The following TEX15 variants were observed in gnomAD, a reference collection of about 807,000 sequenced individuals.
TEX15 encodes the protein testis-expressed protein 15.
A neutral mutation model predicts 237.3 loss-of-function variants in TEX15; 171 were observed. The ratio of observed to expected loss-of-function variants is 0.72; its 90% CI spans 0.64 to 0.82. The LOEUF is 0.82. Ranked by LOEUF, TEX15 falls within the 40% of genes least tolerant of loss-of-function variation. The probability of loss-of-function intolerance (pLI) is 0.00; values close to 1 mark genes in which losing one functional copy is unlikely to be tolerated. For missense variants in TEX15, 3,750 were observed against 3,646.5 expected (o/e 1.03, Z -0.73); for synonymous variants, 1,338 against 1,269.8 (o/e 1.05, Z -1.14).
In TEX15 at chr8:30,867,379, T is replaced by C. The variant is rs1222391962; in HGVS notation, c.426A>G (p.Thr142=). The C allele has an allele frequency of 7.2e-6, 11 of 1,531,580 alleles. No homozygotes were observed. Among genetic ancestry groups the C allele is most frequent in the Admixed American group, 2.0e-5 (1 of 50,940 alleles). The allele number at this position is 1,531,580 out of a possible 1,614,324, so 94.9% of individuals were successfully genotyped here. ...GAAGAGGATTTCCTAGTATCTTCAA[T>C]GTAGATGCTCTGGTACTTATTCCAT... The part of the protein sequence containing the change: ...YQNGISTRAS[T]LKILGNPLLG... The change falls in exon 5 of 11, where the codon ACA becomes ACG. Residue 142 remains threonine (T), a synonymous_variant. Transcript: ENST00000643185.
At chr8:30,906,429 C>CAA (rs1304562923) in intron 1 of TEX15, among the ~76,000 whole-genome samples, 3 of 143,922 alleles carry the variant, frequency 2.1e-5, no homozygotes, top group African/African-American at 7.6e-5. Context: ...ACTAAAAATA[C>CAA]AAAAAAAAAA....
chr8:30,851,103 A>G (rs1015468694), intron 7 of TEX15, among the ~76,000 whole-genome samples: 1 of 152,114 alleles, frequency 6.6e-6, no homozygotes, highest in African/African-American at 2.4e-5. Context: ...TTCAAAGCAA[A>G]CCCATTCTTA....
intron 4 of TEX15, among the ~76,000 whole-genome samples, chr8:30,868,219 T>A (rs1307640618): frequency 6.6e-6 from 1 of 152,018 alleles, no homozygotes; most frequent in Non-Finnish European, 1.5e-5. Context: ...TAATCTGAAG[T>A]ATAGATAATC....
In TEX15 at chr8:30,833,306, A is replaced by T; in HGVS notation, c.9499T>A (p.Ser3167Thr). ...TATTTTCAGTGTCCTGGATGAAAGG[A>T]TTCTTGGTGCCATGGAGCTGGAAGA... Reference protein sequence around the residue: ...PWVYAPWHQESFHPGH With the variant: ...PWVYAPWHQETFHPGH The change falls in exon 11 of 11, where the codon TCC (serine) becomes ACC (threonine). Residue 3167 changes from serine (S) to threonine (T), a missense_variant. Physicochemically the swap from Ser to Thr is moderately conservative, Grantham distance 58 (BLOSUM62 1). Coordinates refer to ENST00000643185, the MANE Select transcript of TEX15 (RefSeq NM_001350162.2). 1.3e-6 allele frequency: 2 copies of T among 1,597,704 alleles called. No homozygotes were observed. Among genetic ancestry groups the T allele is most frequent in the Non-Finnish European group, 1.7e-6 (2 of 1,172,192 alleles).
intron 5 of TEX15, among the ~76,000 whole-genome samples, chr8:30,862,460 T>C (rs979025321): frequency 6.6e-6 from 1 of 152,224 alleles, no homozygotes; most frequent in African/African-American, 2.4e-5. Flanking sequence ...TATACCTGCA[T>C]GTCTATATAC....
Position 30,881,621 on chromosome 8 carries a change from TTTTTATTA to T in TEX15, c.136+5538_136+5545del, listed in dbSNP as rs1563267002. Among the ~76,000 whole-genome samples the T allele has an allele frequency of 3.0e-4, 37 of 124,920 alleles. 9 individuals carry two copies. Among genetic ancestry groups the T allele is most frequent in the African/African-American group, 1.4e-3 (30 of 21,524 alleles). 82.0% of individuals were successfully genotyped at this position (124,920 alleles called of 152,430 possible). A position where few individuals can be genotyped will look rare whatever the true frequency, so the allele number is the denominator to read the frequency against. ...TCCTTCCATCTTGACTTTTTATTTTTTTTTATTATTTTTTTTTTTTGAGACAGTCTTGC... is the reference window on the plus strand; with the variant it reads ...TCCTTCCATCTTGACTTTTTATTTTTTTTTTTTTTTTTGAGACAGTCTTGC... On this transcript the variant is annotated intron_variant, in intron 3 of 10. Transcript: ENST00000643185.
intron 7 of TEX15, among the ~76,000 whole-genome samples, chr8:30,855,588 G>C (rs1369443302): frequency 1.3e-5 from 2 of 152,034 alleles, no homozygotes; most frequent in Non-Finnish European, 2.9e-5. Context: ...TTCCACTCTT[G>C]GATATACTGT....
At chr8:30,899,056 T>G (rs1230183230) in intron 1 of TEX15, among the ~76,000 whole-genome samples, 1 of 152,104 alleles carries the variant, frequency 6.6e-6, no homozygotes. Flanking sequence ...CAATAAGCTT[T>G]TCTCTTTTTC....
intron 8 of TEX15, among the ~76,000 whole-genome samples, chr8:30,841,723 A>G (rs1235385619): frequency 6.6e-6 from 1 of 152,212 alleles, no homozygotes; most frequent in Non-Finnish European, 1.5e-5. Flanking sequence ...CTCCTTCTTA[A>G]GAAGCTTTTA....
At chr8:30,900,036 A>T (rs2128778819) in intron 1 of TEX15, among the ~76,000 whole-genome samples, 1 of 152,330 alleles carries the variant, frequency 6.6e-6, no homozygotes, top group East Asian at 1.9e-4. Context: ...TTTACTCCAA[A>T]TTCTAGATCT....
At position 30,847,360 on chromosome 8, in the gene TEX15, G is replaced by C; in HGVS notation, c.2807C>G (p.Thr936Ser). ...CREDNAVSAA[T>S]ALLESEEDTI... ...ATCTTCTTCACTCTCTAATAATGCAGTTGCTGCTGACACTGCATTATCTTC... is the reference window on the plus strand; with the variant it reads ...ATCTTCTTCACTCTCTAATAATGCACTTGCTGCTGACACTGCATTATCTTC... Residue 936 changes from threonine (T) to serine (S), a missense_variant, in exon 8 of 11, where the codon ACT (threonine) becomes AGT (serine). By Grantham distance (58) the Thr-to-Ser change is moderately conservative. Transcript: ENST00000643185. 6.2e-7 allele frequency: 1 copy of C among 1,613,690 alleles called. No individual in the cohort carries two copies. The highest frequency in any genetic ancestry group is 8.5e-7 in the Non-Finnish European group (1 of 1,179,892).
chr8:30,885,563 A>G (rs1808629350), intron 3 of TEX15, among the ~76,000 whole-genome samples: 1 of 152,140 alleles, frequency 6.6e-6, no homozygotes, highest in Non-Finnish European at 1.5e-5. Flanking sequence ...AAATGGATTA[A>G]TACATGGTCT....
intron 3 of TEX15, among the ~76,000 whole-genome samples, chr8:30,876,792 C>T (rs1471186006): frequency 6.6e-6 from 1 of 152,152 alleles, no homozygotes; most frequent in Non-Finnish European, 1.5e-5. Context: ...TTGGCTGTGT[C>T]CCTACCCAGA....
intron 1 of TEX15, among the ~76,000 whole-genome samples, chr8:30,899,513 G>A (rs1384738169): frequency 1.3e-5 from 2 of 152,120 alleles, no homozygotes; most frequent in East Asian, 1.9e-4. Context: ...GCATGATTTT[G>A]GCTCACGGCT....
chr8:30,842,813 A>T lies in TEX15; in HGVS notation c.7354T>A (p.Ser2452Thr), dbSNP rs908932576. ...IEMYIEIVMV[S>T]ETIHFLKNSI... ...TTTTTAAGAAAGTGAATTGTTTCTGAGACCATGACGATTTCAATATACATT... is the reference window on the plus strand; with the variant it reads ...TTTTTAAGAAAGTGAATTGTTTCTGTGACCATGACGATTTCAATATACATT... The change falls in exon 8 of 11, where the codon TCA becomes ACA. Residue 2452 changes from serine (S) to threonine (T), a missense_variant. Physicochemically the swap from Ser to Thr is moderately conservative, Grantham distance 58. Coordinates refer to ENST00000643185, the MANE Select transcript of TEX15 (RefSeq NM_001350162.2). 6.2e-7 allele frequency: 1 copy of T among 1,613,158 alleles called. No homozygotes were observed. The highest frequency in any genetic ancestry group is 8.5e-7 in the Non-Finnish European group (1 of 1,179,512).
At chr8:30,850,708 G>C (rs1437825494) in intron 7 of TEX15, among the ~76,000 whole-genome samples, 1 of 151,420 alleles carries the variant, frequency 6.6e-6, no homozygotes. Context: ...CTCCATAAAA[G>C]TACTAGAAAA....
At chr8:30,889,954 C>CGTATATATATATATATATACATATATAT (rs767323464) in intron 2 of TEX15, among the ~76,000 whole-genome samples, 1 of 110,084 alleles carries the variant, frequency 9.1e-6, no homozygotes, top group African/African-American at 4.5e-5. Context: ...TATATATATA[C>CGTATATATATATATATATACATATATAT]ATATATATAT....
At chr8:30,907,262 C>T (rs1809121931) in intron 1 of TEX15, among the ~76,000 whole-genome samples, 1 of 152,064 alleles carries the variant, frequency 6.6e-6, no homozygotes. Context: ...GTTCATTTCT[C>T]TGCCTAGAAT....
Position 30,844,251 on chromosome 8 carries a change from A to G in TEX15, c.5916T>C (p.Thr1972=). 1 of 1,613,068 alleles carries G rather than the reference A, an allele frequency of 6.2e-7. No homozygotes were observed. Among genetic ancestry groups the G allele is most frequent in the Middle Eastern group, 1.7e-4 (1 of 6,054 alleles). ...CGTATGACGCAGGTTTCTTCAGAAGAGTAGGGACTTTACAGGTTTCAGAGT... is the reference window on the plus strand; with the variant it reads ...CGTATGACGCAGGTTTCTTCAGAAGGGTAGGGACTTTACAGGTTTCAGAGT... ...PAHSETCKVP[T]LLKKPASYVS... is the part of the protein sequence containing the mutation. The change falls in exon 8 of 11, where the codon ACT becomes ACC. Residue 1972 remains threonine (T), a synonymous_variant. Transcript: ENST00000643185.
Sources: allele counts gnomAD v4.1 joint callset (sites outside exome capture counted in the v4.1 genomes callset), GRCh38; gene constraint gnomAD v4.1.1; transcripts MANE v1.5; gene names NCBI Gene and HGNC (gene_info 2026-07-23, HGNC 2026-07-21).